Variants in ZC3H12A observed in about 807,000 individuals in gnomAD.
ZC3H12A encodes the protein endoribonuclease ZC3H12A.
Under a neutral mutation model 29.9 loss-of-function variants are expected in ZC3H12A, and 9 were observed. The observed-to-expected ratio is 0.30, with a 90% confidence interval of 0.18 to 0.53. The LOEUF (loss-of-function observed/expected upper bound fraction) is 0.53. Among genes scored for constraint, ZC3H12A ranks in the 20% least tolerant of loss-of-function variants. ZC3H12A has a pLI of 0.96. For missense variants in ZC3H12A, 617 were observed against 799.0 expected (o/e 0.77, Z 2.75); for synonymous variants, 323 against 338.1 (o/e 0.96, Z 0.49).
Position 37,476,052 on chromosome 1 carries a change from C to T in ZC3H12A, c.443+113C>T, listed in dbSNP as rs956076737. 2.8e-5 allele frequency: 33 copies of T among 1,165,570 alleles called. No individual in the cohort carries two copies. In the African/African-American group the frequency reaches 4.7e-4, roughly 16 times the overall value. 72.2% of individuals were successfully genotyped at this position (1,165,570 alleles called of 1,614,324 possible). ...CTGGTGGGCTGGAAGAAGTGACTTC[C>T]TTCTTAGGGACTGGTCTAGAGGGAG... On this transcript the variant is annotated intron_variant, in intron 2 of 5. Transcript: ENST00000373087. This position sits in a 1 kb window ranked among gnomAD's most constrained non-coding sequence, Gnocchi z 6.0.
In ZC3H12A at chr1:37,482,889, C is replaced by A. The variant is rs1346831825; in HGVS notation, c.1078C>A (p.Pro360Thr). Residue 360 changes from proline to threonine, a missense_variant, in exon 6 of 6, where the codon CCT becomes ACT. Physicochemically the swap from Pro to Thr is conservative, Grantham distance 38 (BLOSUM62 -1). Around this residue, in one of 5 missense-constraint regions of ZC3H12A, gnomAD observed 115 missense variants for 112.5 expected, o/e 1.02. Coordinates refer to ENST00000373087, the MANE Select transcript of ZC3H12A (RefSeq NM_025079.3). Reference sequence around the variant, plus strand: ...GGACAAAAATGGCCGGCGGCCTTCACCTTCATCCCAGTCCAGCTCTCTGCT... The same window carrying A: ...GGACAAAAATGGCCGGCGGCCTTCAACTTCATCCCAGTCCAGCTCTCTGCT... ...SKDKNGRRPSPSSQSSSLLTE... is the reference protein window; with the variant it reads ...SKDKNGRRPSTSSQSSSLLTE... 2.5e-6 allele frequency: 4 copies of A among 1,613,870 alleles called. No homozygotes were observed. The highest frequency in any genetic ancestry group is 3.4e-6 in the Non-Finnish European group (4 of 1,180,032).
At chr1:37,477,513 C>T (rs974317120) in intron 2 of ZC3H12A, among the ~76,000 whole-genome samples, 3 of 152,148 alleles carry the variant, frequency 2.0e-5, no homozygotes, top group African/African-American at 7.2e-5. Context: ...GGCGGGCTAG[C>T]CCCCCCATCA....
rs1641557195 is a variant in ZC3H12A at position 37,475,158 on chromosome 1, G to A, written c.-38-301G>A. ...CTTCTGGGTCCCCTGGGTTGGCGTG[G>A]GGGTTCGAGGCTTTACAGCTGGGGT... On this transcript the variant is annotated intron_variant, in intron 1 of 5. Transcript: ENST00000373087. The surrounding 1 kb of genome is among the most constrained non-coding windows in gnomAD (Gnocchi z 5.2). Among the ~76,000 whole-genome samples, 1 of 152,240 alleles carries A rather than the reference G, an allele frequency of 6.6e-6. No individual in the cohort carries two copies. The highest frequency in any genetic ancestry group is 6.5e-5 in the Admixed American group (1 of 15,292).
intron 2 of ZC3H12A, 167 bp from the exon 3 acceptor site, chr1:37,480,123 C>T: frequency 7.4e-7 from 1 of 1,347,264 alleles, no homozygotes; most frequent in Non-Finnish European, 9.6e-7. Context: ...GGCCTGAGCC[C>T]TGGGGAAAGG....
At position 37,479,899 on chromosome 1, in the gene ZC3H12A, C is replaced by G; in HGVS notation, c.444-391C>G. 9.9e-7 allele frequency: 1 copy of G among 1,012,142 alleles called. No homozygotes were observed. Among genetic ancestry groups the G allele is most frequent in the African/African-American group, 1.7e-5 (1 of 58,494 alleles). The allele number at this position is 1,012,142 out of a possible 1,614,324, so 62.7% of individuals were successfully genotyped here. A position where few individuals can be genotyped will look rare whatever the true frequency, so the allele number is the denominator to read the frequency against. On this transcript the variant is annotated intron_variant, in intron 2 of 5. Coordinates refer to ENST00000373087, the MANE Select transcript of ZC3H12A (RefSeq NM_025079.3). This position sits in a 1 kb window ranked among gnomAD's most constrained non-coding sequence, Gnocchi z 4.5. ...GCCGGGTGGGGCAGGAACCAGAAGT[C>G]TCGCGGCACCTTTCCCCCACCCCCA...
rs1204298690 is a variant in ZC3H12A, at chr1:37,476,857, C to T, written c.443+918C>T. The stretch of plus-strand genomic sequence containing the variant: ...AGGGAAAAGTTCCTGTTGGCATGGA[C>T]GGGGAGACCCCAGACACAGGGTTGA... On this transcript the variant is annotated intron_variant, in intron 2 of 5. Coordinates refer to ENST00000373087, the MANE Select transcript of ZC3H12A (RefSeq NM_025079.3). The surrounding 1 kb of genome is among the most constrained non-coding windows in gnomAD (Gnocchi z 6.0). 1.3e-5 allele frequency among the ~76,000 whole-genome samples: 2 copies of T among 152,204 alleles called. No individual in the cohort carries two copies. The highest frequency in any genetic ancestry group is 2.9e-5 in the Non-Finnish European group (2 of 68,034).
At chr1:37,480,881 T>A (rs1395719) in intron 3 of ZC3H12A, among the ~76,000 whole-genome samples, 16 of 152,308 alleles carry the variant, frequency 1.1e-4, no homozygotes, top group African/African-American at 3.6e-4. Context: ...AGCATTGCCT[T>A]CCTCGTGAGG....
Position 37,478,444 on chromosome 1 carries a change from C to T in ZC3H12A, c.444-1846C>T, listed in dbSNP as rs1050527651. On this transcript the variant is annotated intron_variant, in intron 2 of 5. Transcript: ENST00000373087. The surrounding 1 kb of genome is among the most constrained non-coding windows in gnomAD (Gnocchi z 5.2). ...CAACCGAGTGGCCCAGACCTGGGTTCGAGTTCTGACTGTCTCTTACCACTA... is the reference window on the plus strand; with the variant it reads ...CAACCGAGTGGCCCAGACCTGGGTTTGAGTTCTGACTGTCTCTTACCACTA... Among the ~76,000 whole-genome samples the T allele has an allele frequency of 2.0e-5, 3 of 152,184 alleles. No homozygotes were observed. Among genetic ancestry groups the T allele is most frequent in the Non-Finnish European group, 4.4e-5 (3 of 68,026 alleles).
Position 37,483,403 on chromosome 1 carries a change from C to T in ZC3H12A, c.1592C>T (p.Pro531Leu), listed in dbSNP as rs1391307786. 1 of 1,614,076 alleles carries T rather than the reference C, an allele frequency of 6.2e-7. No individual in the cohort carries two copies. The highest frequency in any genetic ancestry group is 8.5e-7 in the Non-Finnish European group (1 of 1,179,976). ...CCACCCACATCAGTCCTTCAGGAGC[C>T]CCCAGTGCAGAGCCCAGGGGCTGGC... ...LPPPTSVLQEPPVQSPGAGRS... is the reference protein window; with the variant it reads ...LPPPTSVLQELPVQSPGAGRS... Residue 531 changes from proline to leucine, a missense_variant, in exon 6 of 6, where the codon CCC becomes CTC. Pro to Leu is a moderately conservative substitution (Grantham distance 98). Coordinates refer to ENST00000373087, the MANE Select transcript of ZC3H12A (RefSeq NM_025079.3).
chr1:37,477,473 C>T (rs1052268929), intron 2 of ZC3H12A, among the ~76,000 whole-genome samples: 1 of 152,164 alleles, frequency 6.6e-6, no homozygotes, highest in Non-Finnish European at 1.5e-5. Context: ...TACTCGGTTC[C>T]TGCCCGGCCA....
rs574373528 is a variant in ZC3H12A at position 37,476,614 on chromosome 1, G to C, written c.443+675G>C. On this transcript the variant is annotated intron_variant, in intron 2 of 5. Coordinates refer to ENST00000373087, the MANE Select transcript of ZC3H12A (RefSeq NM_025079.3). This position sits in a 1 kb window ranked among gnomAD's most constrained non-coding sequence, Gnocchi z 6.0. ...CTGGACCAGTCTCTGGAGGTTCCCC[G>C]GGGCCAGAGCCAGGACTCAGCCCCC... Among the ~76,000 whole-genome samples the C allele has an allele frequency of 6.6e-6, 1 of 152,160 alleles. No individual in the cohort carries two copies. The highest frequency in any genetic ancestry group is 1.5e-5 in the Non-Finnish European group (1 of 68,032).
At position 37,482,328 on chromosome 1, in the gene ZC3H12A, G is replaced by T. The variant is rs1289298112; in HGVS notation, c.819-106G>T. The stretch of plus-strand genomic sequence containing the variant: ...TCCTGGACAGGCCCCAGTTTTAGGT[G>T]TCACTCTCCTATTCTTCCCAGCAAG... On this transcript the variant is annotated intron_variant, in intron 4 of 5. Coordinates refer to ENST00000373087, the MANE Select transcript of ZC3H12A (RefSeq NM_025079.3). The T allele has an allele frequency of 3.0e-6, 3 of 987,094 alleles. No individual in the cohort carries two copies. In the East Asian group the frequency reaches 7.2e-5, roughly 24 times the overall value. The allele number at this position is 987,094 out of a possible 1,614,324, so 61.1% of individuals were successfully genotyped here.
At position 37,475,730 on chromosome 1, in the gene ZC3H12A, C is replaced by T. The variant is rs1641573338; in HGVS notation, c.234C>T (p.Thr78=). 2 of 1,613,894 alleles carry T rather than the reference C, an allele frequency of 1.2e-6. No individual in the cohort carries two copies. The highest frequency in any genetic ancestry group is 1.7e-6 in the Non-Finnish European group (2 of 1,180,056). Residue 78 remains threonine (T), a synonymous_variant, in exon 2 of 6, where the codon ACC becomes ACT. Coordinates refer to ENST00000373087, the MANE Select transcript of ZC3H12A (RefSeq NM_025079.3). The surrounding 1 kb of genome is among the most constrained non-coding windows in gnomAD (Gnocchi z 5.2). ...AGAAGCTGGGCGTCCAGGCAGACAC[C>T]AACACGGTGCTGGGTGAGCTGGTGA... ...VLQKLGVQAD[T]NTVLGELVKH...
At position 37,476,404 on chromosome 1, in the gene ZC3H12A, G is replaced by A. The variant is rs1338277335; in HGVS notation, c.443+465G>A. On this transcript the variant is annotated intron_variant, in intron 2 of 5. Transcript: ENST00000373087. The surrounding 1 kb of genome is among the most constrained non-coding windows in gnomAD (Gnocchi z 6.0). ...AGCAGTTGTTGTTGTTATTTCAGGGGCTGGGCTTCTGAGGCCTTCTTGTCT... is the reference window on the plus strand; with the variant it reads ...AGCAGTTGTTGTTGTTATTTCAGGGACTGGGCTTCTGAGGCCTTCTTGTCT... Among the ~76,000 whole-genome samples, 1 of 152,176 alleles carries A rather than the reference G, an allele frequency of 6.6e-6. No individual in the cohort carries two copies. The highest frequency in any genetic ancestry group is 2.1e-4 in the South Asian group (1 of 4,832).
chr1:37,475,717 T>C lies in ZC3H12A; in HGVS notation c.221T>C (p.Val74Ala), dbSNP rs751582910. The change falls in exon 2 of 6, where the codon GTC becomes GCC. Residue 74 changes from valine (V) to alanine (A), a missense_variant. Physicochemically the swap from Val to Ala is moderately conservative, Grantham distance 64. Transcript: ENST00000373087. This position sits in a 1 kb window ranked among gnomAD's most constrained non-coding sequence, Gnocchi z 5.2. Reference protein sequence around the residue: ...EIHSVLQKLGVQADTNTVLGE... With the variant: ...EIHSVLQKLGAQADTNTVLGE... ...CACAGCGTCCTGCAGAAGCTGGGCGTCCAGGCAGACACCAACACGGTGCTG... is the reference window on the plus strand; with the variant it reads ...CACAGCGTCCTGCAGAAGCTGGGCGCCCAGGCAGACACCAACACGGTGCTG... 24 of 1,613,912 alleles carry C rather than the reference T, an allele frequency of 1.5e-5. No individual in the cohort carries two copies. The highest frequency in any genetic ancestry group is 1.9e-5 in the Non-Finnish European group (23 of 1,180,040).
In ZC3H12A at chr1:37,483,789, C is replaced by A. The variant is rs1488619837; in HGVS notation, c.*178C>A. ...AGATACTGTAGGATTGGTTCTGGCCCATGCAGCACCTCTAGCTGTCTGCCT... is the reference window on the plus strand; with the variant it reads ...AGATACTGTAGGATTGGTTCTGGCCAATGCAGCACCTCTAGCTGTCTGCCT... On this transcript the variant is annotated 3_prime_UTR_variant, in exon 6 of 6. Transcript: ENST00000373087. The A allele has an allele frequency of 1.3e-6, 1 of 786,658 alleles. No homozygotes were observed. Among genetic ancestry groups the A allele is most frequent in the Non-Finnish European group, 2.0e-6 (1 of 510,354 alleles). The allele number at this position is 786,658 out of a possible 1,614,324, so 48.7% of individuals were successfully genotyped here. A position where few individuals can be genotyped will look rare whatever the true frequency, so the allele number is the denominator to read the frequency against.
In ZC3H12A at chr1:37,475,596, C is replaced by T; in HGVS notation, c.100C>T (p.Pro34Ser). The T allele has an allele frequency of 6.2e-7, 1 of 1,614,058 alleles. No individual in the cohort carries two copies. The highest frequency in any genetic ancestry group is 8.5e-7 in the Non-Finnish European group (1 of 1,180,042). ...CCACAGCCGTCAGGGCACCCCAAGG[C>T]CGGGTCAAGAGCTGGCCGCTGAGGA... ...DSHSRQGTPR[P>S]GQELAAEEAS... Residue 34 changes from proline to serine, a missense_variant, in exon 2 of 6, where the codon CCG becomes TCG. Transcript: ENST00000373087. The surrounding 1 kb of genome is among the most constrained non-coding windows in gnomAD (Gnocchi z 5.2).
At chr1:37,477,365 G>C (rs569504167) in intron 2 of ZC3H12A, among the ~76,000 whole-genome samples, 1 of 152,312 alleles carries the variant, frequency 6.6e-6, no homozygotes, top group Non-Finnish European at 1.5e-5. Flanking sequence ...AGAGGAGCCT[G>C]CTCCTGAGAA....
intron 3 of ZC3H12A, 148 bp from the exon 4 acceptor site, chr1:37,481,453 T>C (rs1641699579): frequency 2.9e-6 from 2 of 700,672 alleles, no homozygotes; most frequent in Non-Finnish European, 4.8e-6. Context: ...GGCTGGGGCA[T>C]GGAAGAGGCC....
Sources: allele counts gnomAD v4.1 joint callset (sites outside exome capture counted in the v4.1 genomes callset), GRCh38; gene constraint gnomAD v4.1.1; regional missense constraint gnomAD v4.1.1; non-coding constraint Gnocchi (gnomAD v3.1); transcripts MANE v1.5; gene names NCBI Gene and HGNC (gene_info 2026-07-23, HGNC 2026-07-21).